Variants in CTNNA3 observed in about 807,000 individuals in gnomAD.
CTNNA3 encodes catenin alpha 3.
CTNNA3 carries 76 observed loss-of-function variants against 95.7 expected under a neutral mutation model. The ratio of observed to expected loss-of-function variants is 0.79; its 90% confidence interval spans 0.66 to 0.96. CTNNA3 has a LOEUF of 0.96. CTNNA3 is among the 40% of genes least tolerant of loss of function. The pLI, the probability that CTNNA3 is intolerant of heterozygous loss-of-function variation, is 0.00. For missense variants in CTNNA3, 1,191 were observed against 1,089.8 expected, an observed-to-expected ratio of 1.09 and a Z score of -1.31; for synonymous variants, 431 against 374.4, an observed-to-expected ratio of 1.15 and a Z score of -1.74.
intron 3 of CTNNA3, among the ~76,000 whole-genome samples, chr10:67,596,358 T>G (rs1329790303): frequency 6.6e-6 from 1 of 152,146 alleles, no homozygotes; most frequent in Non-Finnish European, 1.5e-5. Context: ...GTGATGACCT[T>G]GAGTAGTAGG....
At chr10:67,488,788 G>C (rs933455627) in intron 5 of CTNNA3, among the ~76,000 whole-genome samples, 1 of 151,484 alleles carries the variant, frequency 6.6e-6, no homozygotes, top group Non-Finnish European at 1.5e-5. Context: ...TCCTGTCTCA[G>C]CCTCCTGAGT....
chr10:67,192,256 C>T (rs1274339868), intron 6 of CTNNA3, among the ~76,000 whole-genome samples: 1 of 151,834 alleles, frequency 6.6e-6, no homozygotes, highest in East Asian at 1.9e-4. Flanking sequence ...AAATCTTCTT[C>T]TTCTGCAAAA....
chr10:66,191,460 C>A (rs779321549), intron 13 of CTNNA3, among the ~76,000 whole-genome samples: 3 of 152,022 alleles, frequency 2.0e-5, no homozygotes, highest in African/African-American at 4.8e-5. Flanking sequence ...TACCAGGTTT[C>A]TTTCTTCAAA....
chr10:65,968,611 G>GA (rs2078027317), intron 16 of CTNNA3, among the ~76,000 whole-genome samples: 1 of 152,032 alleles, frequency 6.6e-6, no homozygotes, highest in African/African-American at 2.4e-5. Flanking sequence ...CGCTTGGGCA[G>GA]ATTTCCAGGT....
chr10:66,945,266 G>T (rs191874240), intron 7 of CTNNA3, among the ~76,000 whole-genome samples: 26 of 152,326 alleles, frequency 1.7e-4, no homozygotes, highest in Admixed American at 8.5e-4. Flanking sequence ...TAGATCTTCT[G>T]AATAACTTGT....
chr10:66,251,291 T>C (rs151287689), intron 13 of CTNNA3, among the ~76,000 whole-genome samples: 1 of 119,354 alleles, frequency 8.4e-6, no homozygotes, highest in Non-Finnish European at 1.8e-5. Context: ...ACCAAATGAT[T>C]AAGATTATAC....
At chr10:66,667,786 A>T (rs533381929) in intron 9 of CTNNA3, among the ~76,000 whole-genome samples, 28 of 152,144 alleles carry the variant, frequency 1.8e-4, no homozygotes, top group Non-Finnish European at 3.5e-4. Context: ...CACAGCTTAA[A>T]TATTCTATTG....
intron 3 of CTNNA3, among the ~76,000 whole-genome samples, chr10:67,573,547 T>C (rs974187534): frequency 1.3e-5 from 2 of 152,024 alleles, no homozygotes; most frequent in African/African-American, 2.4e-5. Context: ...TCAGCACTCC[T>C]AAAAAATAAT....
intron 5 of CTNNA3, among the ~76,000 whole-genome samples, chr10:67,486,926 A>G (rs183003588): frequency 6.6e-6 from 1 of 152,278 alleles, no homozygotes; most frequent in Admixed American, 6.5e-5. Context: ...CAAGGTCTCC[A>G]ATCTTATTTT....
At chr10:66,102,244 T>A (rs543031928) in intron 14 of CTNNA3, among the ~76,000 whole-genome samples, 10 of 152,250 alleles carry the variant, frequency 6.6e-5, no homozygotes, top group African/African-American at 2.4e-4. Flanking sequence ...ATGATGATCA[T>A]GATAATCCTA....
At chr10:67,581,022 C>T (rs1282876196) in intron 3 of CTNNA3, among the ~76,000 whole-genome samples, 4 of 152,112 alleles carry the variant, frequency 2.6e-5, no homozygotes, top group African/African-American at 9.7e-5. Flanking sequence ...AATTTGACTT[C>T]CTCTTTTCCT....
intron 13 of CTNNA3, among the ~76,000 whole-genome samples, chr10:66,238,440 CA>C (rs1001785554): frequency 6.0e-4 from 91 of 151,566 alleles, no homozygotes; most frequent in African/African-American, 1.8e-3. Flanking sequence ...CAGGTTGTCA[CA>C]AAAAAAATTA....
At chr10:66,638,228 T>A (rs1294579893) in intron 9 of CTNNA3, among the ~76,000 whole-genome samples, 3 of 152,216 alleles carry the variant, frequency 2.0e-5, no homozygotes, top group Admixed American at 6.5e-5. Context: ...ATTATCTTAT[T>A]AAGAACTGGA....
At chr10:66,469,941 A>G (rs1839066690) in intron 11 of CTNNA3, among the ~76,000 whole-genome samples, 1 of 151,864 alleles carries the variant, frequency 6.6e-6, no homozygotes, top group African/African-American at 2.4e-5. Flanking sequence ...TATAAAATAA[A>G]AGGAGAAAGA....
chr10:67,523,404 G>A (rs1436823504), intron 4 of CTNNA3, among the ~76,000 whole-genome samples: 1 of 152,162 alleles, frequency 6.6e-6, no homozygotes, highest in African/African-American at 2.4e-5. Flanking sequence ...AAGAACCACA[G>A]GAGTTCCTAT....
rs531793370 is a variant in CTNNA3 at position 65,934,583 on chromosome 10, A to G, written c.2401-13966T>C. 4.0e-4 allele frequency among the ~76,000 whole-genome samples: 61 copies of G among 152,238 alleles called. 1 individual carries two copies. The highest frequency in any genetic ancestry group is 1.3e-3 in the African/African-American group (54 of 41,556). ...CACTCACATCTATTTTGATCTTTAA[A>G]ATCCAGAGTTTTGAAGCAAAGTTTT... On this transcript the variant is annotated intron_variant, in intron 17 of 17. Transcript: ENST00000433211.
chr10:67,428,268 C>G (rs1477656045), intron 5 of CTNNA3, among the ~76,000 whole-genome samples: 2 of 151,824 alleles, frequency 1.3e-5, no homozygotes, highest in African/African-American at 2.4e-5. Context: ...CCATAGTTTA[C>G]CTTTATAATT....
intron 13 of CTNNA3, among the ~76,000 whole-genome samples, chr10:66,255,639 T>G (rs1188479465): frequency 6.6e-6 from 1 of 152,066 alleles, no homozygotes; most frequent in Non-Finnish European, 1.5e-5. Context: ...CATCACCCTC[T>G]CCCCATAAAC....
rs561759697 is a variant in CTNNA3, at chr10:67,016,340, T to C, written c.1047+163977A>G. Among the ~76,000 whole-genome samples, 3 of 152,312 alleles carry C rather than the reference T, an allele frequency of 2.0e-5. No homozygotes were observed. In the South Asian group the frequency reaches 6.2e-4, roughly 32 times the overall value. The stretch of plus-strand genomic sequence containing the variant: ...CATCTTCTTTCCAAATATTTTATTT[T>C]CTTAACATTGAAAGTAGTTCTTCCC... On this transcript the variant is annotated intron_variant, in intron 7 of 17. Transcript: ENST00000433211.
Sources: allele counts gnomAD v4.1 joint callset (sites outside exome capture counted in the v4.1 genomes callset), GRCh38; gene constraint gnomAD v4.1.1; transcripts MANE v1.5; gene names NCBI Gene and HGNC (gene_info 2026-07-23, HGNC 2026-07-21).